Variants in IL6R observed in about 807,000 individuals in gnomAD.
IL6R encodes the protein interleukin-6 receptor subunit alpha.
A neutral mutation model predicts 48.3 loss-of-function variants in IL6R; 38 were observed. The observed-to-expected ratio is 0.79, with a 90% confidence interval of 0.61 to 1.03. IL6R has a LOEUF of 1.03. IL6R is among the 50% of genes least tolerant of loss of function. The pLI is 0.00. For missense variants in IL6R, 534 were observed against 618.3 expected (o/e 0.86, Z 1.45); for synonymous variants, 264 against 256.2 (o/e 1.03, Z -0.29).
chr1:154,423,488 G>A (rs1045829565), intron 1 of IL6R, among the ~76,000 whole-genome samples: 3 of 151,404 alleles, frequency 2.0e-5, no homozygotes, highest in African/African-American at 7.3e-5. Context: ...GGGGTACTGA[G>A]TCAGAGATTT....
At position 154,465,598 on chromosome 1, in the gene IL6R, C is replaced by A. The variant is rs1426261842; in HGVS notation, c.*218C>A. 3.4e-5 allele frequency: 20 copies of A among 595,214 alleles called. No homozygotes were observed. In the African/African-American group the frequency reaches 3.5e-4, roughly 11 times the overall value. The allele number at this position is 595,214 out of a possible 1,614,324, so 36.9% of individuals were successfully genotyped here. On this transcript the variant is annotated 3_prime_UTR_variant, in exon 10 of 10. Coordinates refer to ENST00000368485, the MANE Select transcript of IL6R (RefSeq NM_000565.4). The stretch of plus-strand genomic sequence containing the variant: ...CAAACCTCCCTTTCCAAATGCCCAG[C>A]TTAAAGGGGCTAGAGTGAACTTGGG...
At chr1:154,459,297 G>T (rs1691107165) in intron 9 of IL6R, among the ~76,000 whole-genome samples, 1 of 152,238 alleles carries the variant, frequency 6.6e-6, no homozygotes, top group Non-Finnish European at 1.5e-5. Flanking sequence ...CAGGGCCAGT[G>T]CCCTGTGCTG....
At chr1:154,428,041 T>C (rs996283000) in intron 1 of IL6R, among the ~76,000 whole-genome samples, 1 of 152,212 alleles carries the variant, frequency 6.6e-6, no homozygotes. Context: ...CCAAGTGTGC[T>C]TACATGAAAA....
At chr1:154,460,724 C>A (rs1041505772) in intron 9 of IL6R, among the ~76,000 whole-genome samples, 3 of 152,088 alleles carry the variant, frequency 2.0e-5, no homozygotes, top group Non-Finnish European at 4.4e-5. Flanking sequence ...GTCAAGATGC[C>A]AAGACACCAG....
intron 6 of IL6R, among the ~76,000 whole-genome samples, chr1:154,446,297 A>G (rs1690225176): frequency 6.6e-6 from 1 of 151,978 alleles, no homozygotes; most frequent in Non-Finnish European, 1.5e-5. Context: ...CCCTCTGTAC[A>G]ATTGGAAGAG....
intron 6 of IL6R, among the ~76,000 whole-genome samples, chr1:154,440,183 CTTAGCATAATGTCCT>C (rs1354745250): frequency 4.6e-5 from 7 of 152,222 alleles, no homozygotes; most frequent in African/African-American, 1.4e-4. Context: ...ACTTATTTCA[CTTAGCATAATGTCCT>C]CAAGGTTTAT....
At position 154,465,178 on chromosome 1, in the gene IL6R, C is replaced by T; in HGVS notation, c.1205C>T (p.Thr402Ile). The change falls in exon 10 of 10, where the codon ACA becomes ATA. Residue 402 changes from threonine (T) to isoleucine (I), a missense_variant. Coordinates refer to ENST00000368485, the MANE Select transcript of IL6R (RefSeq NM_000565.4). The part of the protein sequence containing the change: ...WKLRALKEGK[T>I]SMHPPYSLGQ... ...CTGCGGGCTCTGAAGGAAGGCAAGA[C>T]AAGCATGCATCCGCCGTACTCTTTG... The T allele has an allele frequency of 1.2e-6, 2 of 1,614,158 alleles. No individual in the cohort carries two copies. Among genetic ancestry groups the T allele is most frequent in the Non-Finnish European group, 1.7e-6 (2 of 1,180,020 alleles).
At chr1:154,465,062 G>C in intron 9 of IL6R, 72 bp from the exon 10 acceptor site, 1 of 1,594,890 alleles carries the variant, frequency 6.3e-7, no homozygotes, top group Non-Finnish European at 8.6e-7. Context: ...AGCTGTTGGT[G>C]TTTTCCACTG....
At chr1:154,462,462 C>T (rs528755408) in intron 9 of IL6R, among the ~76,000 whole-genome samples, 64 of 152,042 alleles carry the variant, frequency 4.2e-4, no homozygotes, top group African/African-American at 1.4e-3. Context: ...CAGCCTCCGC[C>T]TCCTGGGTTC....
intron 6 of IL6R, among the ~76,000 whole-genome samples, chr1:154,442,436 G>A (rs773194107): frequency 6.6e-6 from 1 of 152,160 alleles, no homozygotes; most frequent in Non-Finnish European, 1.5e-5. Context: ...TGGTGAGGCC[G>A]ACACGTGTGT....
chr1:154,437,469 A>G (rs1558316578), intron 6 of IL6R: 1 of 445,008 alleles, frequency 2.2e-6, no homozygotes, highest in African/African-American at 2.0e-5. Flanking sequence ...GATGGAGTAC[A>G]GCAGTGCAAT....
chr1:154,430,716 CT>C, intron 3 of IL6R, 110 bp downstream of exon 3: 1 of 1,415,042 alleles, frequency 7.1e-7, no homozygotes. Flanking sequence ...GAATTAATTC[CT>C]TCAGGCTGAG....
At chr1:154,458,283 T>C (rs986444165) in intron 9 of IL6R, among the ~76,000 whole-genome samples, 3 of 152,138 alleles carry the variant, frequency 2.0e-5, no homozygotes, top group African/African-American at 7.2e-5. Flanking sequence ...ACTTTGCTTT[T>C]TCAATGAAGT....
chr1:154,457,288 A>C lies in IL6R; in HGVS notation c.1160+2707A>C, dbSNP rs867763731. ...CAGTGAGCCAAGATTGCACCACTGCACTCCAGCCTGGACAACAGAGCAAGA... is the reference window on the plus strand; with the variant it reads ...CAGTGAGCCAAGATTGCACCACTGCCCTCCAGCCTGGACAACAGAGCAAGA... On this transcript the variant is annotated intron_variant, in intron 9 of 9. Coordinates refer to ENST00000368485, the MANE Select transcript of IL6R (RefSeq NM_000565.4). Among the ~76,000 whole-genome samples, 6 of 140,396 alleles carry C rather than the reference A, an allele frequency of 4.3e-5. No homozygotes were observed. In the South Asian group the frequency reaches 1.4e-3, roughly 32 times the overall value. The allele number at this position is 140,396 out of a possible 152,430, so 92.1% of individuals were successfully genotyped here. A position where few individuals can be genotyped will look rare whatever the true frequency, so the allele number is the denominator to read the frequency against.
chr1:154,422,104 G>T (rs376797045), intron 1 of IL6R, among the ~76,000 whole-genome samples: 4 of 151,960 alleles, frequency 2.6e-5, no homozygotes, highest in African/African-American at 9.7e-5. Flanking sequence ...GTGCCACCAC[G>T]CCCGGCTAAT....
At chr1:154,410,918 A>G (rs962138846) in intron 1 of IL6R, among the ~76,000 whole-genome samples, 24 of 152,220 alleles carry the variant, frequency 1.6e-4, no homozygotes, top group African/African-American at 5.3e-4. Context: ...GTGTGCAAGT[A>G]GCTGTGCTAG....
At chr1:154,407,360 C>T (rs1007129714) in intron 1 of IL6R, among the ~76,000 whole-genome samples, 1 of 152,180 alleles carries the variant, frequency 6.6e-6, no homozygotes, top group East Asian at 1.9e-4. Flanking sequence ...CTAGGCCCTT[C>T]CAGGGCAGCC....
At chr1:154,425,651 G>A (rs558052028) in intron 1 of IL6R, among the ~76,000 whole-genome samples, 56 of 151,466 alleles carry the variant, frequency 3.7e-4, no homozygotes, top group African/African-American at 1.3e-3. Flanking sequence ...GCATGTACCT[G>A]TAGTCTCAGC....
intron 9 of IL6R, 35 bp from the exon 10 acceptor site, chr1:154,465,099 A>G (rs1193882817): frequency 1.1e-5 from 17 of 1,612,194 alleles, no homozygotes; most frequent in Non-Finnish European, 9.3e-6. Context: ...GGAGCTAAAA[A>G]TCTGTGTGGT....
Sources: gnomAD v4.1 joint callset for allele counts (sites outside exome capture counted in the v4.1 genomes callset) on GRCh38, gnomAD v4.1.1 for gene constraint, MANE v1.5 for transcripts, NCBI Gene and HGNC (gene_info 2026-07-23, HGNC 2026-07-21) for gene names.